FGGY: variants seen among roughly 807,000 people sequenced by gnomAD.
The protein encoded by FGGY is FGGY carbohydrate kinase domain-containing protein.
FGGY carries 72 observed loss-of-function variants against 71.3 expected under a neutral mutation model. That is an observed-to-expected ratio of 1.01 (90% CI 0.84 to 1.23). The LOEUF is 1.23. Ranked by LOEUF, FGGY falls within the 50% of genes most tolerant of loss-of-function variation. The probability of loss-of-function intolerance (pLI) is 0.00; values close to 1 mark genes in which losing one functional copy is unlikely to be tolerated. For synonymous variants in FGGY, 251 were observed against 250.3 expected, an observed-to-expected ratio of 1.00 and a Z score of -0.02; for missense variants, 668 against 682.3, an observed-to-expected ratio of 0.98 and a Z score of 0.23.
chr1:59,718,495 G>T (rs2097860845), intron 14 of FGGY, among the ~76,000 whole-genome samples: 2 of 152,130 alleles, frequency 1.3e-5, no homozygotes, highest in South Asian at 4.1e-4. Flanking sequence ...TGGGGCAGAG[G>T]GTGGCTCTCT....
intron 6 of FGGY, among the ~76,000 whole-genome samples, chr1:59,464,199 G>C (rs531523945): frequency 2.7e-4 from 41 of 152,312 alleles, no homozygotes; most frequent in Middle Eastern, 3.4e-3. Flanking sequence ...TTGGAACTCA[G>C]GATTAAGAAA....
chr1:59,351,642 A>G (rs926872878), intron 4 of FGGY, among the ~76,000 whole-genome samples: 1 of 152,188 alleles, frequency 6.6e-6, no homozygotes, highest in Non-Finnish European at 1.5e-5. Context: ...TGAATGACTC[A>G]ATAACTCAAT....
chr1:59,725,702 TA>T (rs1394691383), intron 14 of FGGY, among the ~76,000 whole-genome samples: 5 of 152,114 alleles, frequency 3.3e-5, no homozygotes, highest in Non-Finnish European at 7.4e-5. Flanking sequence ...TCCTCAATGG[TA>T]ATTGCTAGAA....
chr1:59,694,685 G>A (rs1041505216), intron 14 of FGGY, among the ~76,000 whole-genome samples: 1 of 146,134 alleles, frequency 6.8e-6, no homozygotes, highest in African/African-American at 2.5e-5. Context: ...AAGATAACTA[G>A]GTGTCTTTTT....
intron 5 of FGGY, among the ~76,000 whole-genome samples, chr1:59,430,565 G>T (rs1240262351): frequency 6.6e-6 from 1 of 151,926 alleles, no homozygotes; most frequent in Non-Finnish European, 1.5e-5. Context: ...TCTCATAAGG[G>T]CCCATTTTCC....
Position 59,611,531 on chromosome 1 carries a change from A to C in FGGY, c.1011+3621A>C, listed in dbSNP as rs556673581. 2.6e-5 allele frequency among the ~76,000 whole-genome samples: 4 copies of C among 152,310 alleles called. No homozygotes were observed. The East Asian group carries it at 7.7e-4, about 29-fold the overall frequency. On this transcript the variant is annotated intron_variant, in intron 9 of 15. Transcript: ENST00000303721. ...CATCATCAAAGACCAAAGGTAGATA[A>C]AACCACAAAGATGGGGAAAAAACAG...
chr1:59,723,257 A>G (rs1322773654), intron 14 of FGGY, among the ~76,000 whole-genome samples: 1 of 152,200 alleles, frequency 6.6e-6, no homozygotes, highest in Non-Finnish European at 1.5e-5. Context: ...ACCCATATCT[A>G]TAAATATTTC....
chr1:59,594,737 C>A (rs971093233), intron 8 of FGGY, among the ~76,000 whole-genome samples: 2 of 152,206 alleles, frequency 1.3e-5, no homozygotes, highest in Non-Finnish European at 2.9e-5. Context: ...AGGCCAATGG[C>A]AAATAAGCCC....
At position 59,321,706 on chromosome 1, in the gene FGGY, C is replaced by T. The variant is rs2046413887; in HGVS notation, c.157C>T (p.Gln53Ter). ...NWEPQFNHHE[Q>*]SSEDIWAACC... The stretch of plus-strand genomic sequence containing the variant: ...GGAGCCCCAGTTCAACCACCATGAG[C>T]AGTCCTCCGAGGACATCTGGGCTGC... The change falls in exon 2 of 16, where the codon CAG becomes TAG. Residue 53 changes from glutamine (Q) to a stop codon, truncating the protein, a stop_gained. Transcript: ENST00000303721. LOFTEE classifies it high-confidence loss of function. 1 of 1,612,798 alleles carries T rather than the reference C, an allele frequency of 6.2e-7. No individual in the cohort carries two copies. Among genetic ancestry groups the T allele is most frequent in the Non-Finnish European group, 8.5e-7 (1 of 1,179,452 alleles).
chr1:59,421,345 T>C (rs1054959045), intron 5 of FGGY, among the ~76,000 whole-genome samples: 17 of 152,356 alleles, frequency 1.1e-4, no homozygotes, highest in African/African-American at 4.1e-4. Flanking sequence ...GATAATTAGC[T>C]ATTTTTTGAA....
intron 1 of FGGY, among the ~76,000 whole-genome samples, chr1:59,311,940 A>G (rs952399266): frequency 1.3e-5 from 2 of 152,234 alleles, no homozygotes; most frequent in African/African-American, 4.8e-5. Context: ...AATAATCGCC[A>G]TTCTGACTGG....
intron 15 of FGGY, among the ~76,000 whole-genome samples, chr1:59,758,667 CA>C (rs1226485863): frequency 1.3e-5 from 2 of 152,040 alleles, no homozygotes; most frequent in South Asian, 4.1e-4. Context: ...CAGGCCAAGG[CA>C]AGAAAGAACA....
chr1:59,317,099 C>G (rs747553397), intron 1 of FGGY, among the ~76,000 whole-genome samples: 2 of 152,200 alleles, frequency 1.3e-5, no homozygotes, highest in East Asian at 3.8e-4. Context: ...GGAAATGGGG[C>G]TCATACTGCC....
At chr1:59,336,858 C>T (rs991377432) in intron 2 of FGGY, among the ~76,000 whole-genome samples, 13 of 152,002 alleles carry the variant, frequency 8.6e-5, no homozygotes, top group Admixed American at 4.6e-4. Context: ...CATATTTCTC[C>T]AATTTTTAGC....
At chr1:59,715,489 G>GTCAATGAAATTTGGTCTTGGT (rs2097839310) in intron 14 of FGGY, among the ~76,000 whole-genome samples, 1 of 152,176 alleles carries the variant, frequency 6.6e-6, no homozygotes, top group Admixed American at 6.5e-5. Context: ...TTCCCCTTGG[G>GTCAATGAAATTTGGTCTTGGT]TCAATGAAAT....
chr1:59,491,059 C>CT (rs1234456909), intron 6 of FGGY, among the ~76,000 whole-genome samples: 3 of 24,730 alleles, frequency 1.2e-4, no homozygotes, highest in East Asian at 9.1e-4. Context: ...TCCTTCCTTC[C>CT]TTCCTTCCTT....
At chr1:59,556,815 G>A (rs1274305163) in intron 8 of FGGY, among the ~76,000 whole-genome samples, 1 of 152,182 alleles carries the variant, frequency 6.6e-6, no homozygotes, top group African/African-American at 2.4e-5. Context: ...TCCTAGTGAT[G>A]TAAACGGCTC....
intron 10 of FGGY, among the ~76,000 whole-genome samples, chr1:59,635,926 C>T (rs1325980782): frequency 6.6e-6 from 1 of 152,174 alleles, no homozygotes; most frequent in Non-Finnish European, 1.5e-5. Context: ...TAAAGCTGGA[C>T]TCAGACCTGT....
intron 7 of FGGY, among the ~76,000 whole-genome samples, chr1:59,553,676 C>T (rs2095643106): frequency 6.6e-6 from 1 of 152,214 alleles, no homozygotes; most frequent in Non-Finnish European, 1.5e-5. Context: ...TTCCATTTGG[C>T]TCCGCTCCTT....
Sources: allele counts gnomAD v4.1 joint callset (sites outside exome capture counted in the v4.1 genomes callset), GRCh38; gene constraint gnomAD v4.1.1; transcripts MANE v1.5; gene names NCBI Gene and HGNC (gene_info 2026-07-23, HGNC 2026-07-21).